The following PTK2B variants were observed in gnomAD, a reference collection of about 807,000 sequenced individuals.
The protein encoded by PTK2B is protein-tyrosine kinase 2-beta.
A neutral mutation model predicts 142.9 loss-of-function variants in PTK2B; 71 were observed. The ratio of observed to expected loss-of-function variants is 0.50; its 90% confidence interval spans 0.41 to 0.61. The LOEUF (loss-of-function observed/expected upper bound fraction) is 0.61, where lower values mean the gene tolerates loss of function less well. PTK2B is among the 20% of genes least tolerant of loss of function. The pLI is 0.00. For missense variants in PTK2B, 1,105 were observed against 1,320.4 expected, an observed-to-expected ratio of 0.84 and a Z score of 2.53; for synonymous variants, 519 against 503.4, an observed-to-expected ratio of 1.03 and a Z score of -0.42.
chr8:27,365,298 G>A (rs764547240), intron 1 of PTK2B, among the ~76,000 whole-genome samples: 29 of 152,088 alleles, frequency 1.9e-4, no homozygotes, highest in East Asian at 3.8e-4. Context: ...ACTCTCTCTC[G>A]TCTGCCAACC....
intron 2 of PTK2B, among the ~76,000 whole-genome samples, chr8:27,399,090 C>T (rs1005689775): frequency 6.6e-6 from 1 of 152,192 alleles, no homozygotes; most frequent in Non-Finnish European, 1.5e-5. Context: ...CATGAGTCTT[C>T]CTTTGGGTAT....
chr8:27,420,306 G>A (rs942402238), intron 3 of PTK2B, among the ~76,000 whole-genome samples: 3 of 152,028 alleles, frequency 2.0e-5, no homozygotes, highest in African/African-American at 7.2e-5. Context: ...AACCCTAAAC[G>A]GGATGCTGAC....
chr8:27,370,170 T>A (rs553885380), intron 1 of PTK2B, among the ~76,000 whole-genome samples: 2 of 152,154 alleles, frequency 1.3e-5, no homozygotes, highest in African/African-American at 2.4e-5. Flanking sequence ...AACAGCTGTG[T>A]TGTATTGAAA....
intron 1 of PTK2B, among the ~76,000 whole-genome samples, chr8:27,359,945 A>G (rs547506106): frequency 3.1e-4 from 47 of 152,264 alleles, no homozygotes; most frequent in African/African-American, 9.1e-4. Flanking sequence ...CTGGGCCAAC[A>G]TCCTCTGATA....
chr8:27,359,585 T>C (rs1286892926), intron 1 of PTK2B, among the ~76,000 whole-genome samples: 1 of 152,196 alleles, frequency 6.6e-6, no homozygotes. Flanking sequence ...TTTTTGCTTA[T>C]GGAAATGCAC....
chr8:27,453,301 G>A (rs1302963397), intron 28 of PTK2B, 141 bp downstream of exon 28: 1 of 1,172,432 alleles, frequency 8.5e-7, no homozygotes, highest in Non-Finnish European at 1.2e-6. Flanking sequence ...CGGGGTTAGG[G>A]GGCGGGTGGC....
intron 2 of PTK2B, 96 bp from the exon 3 acceptor site, chr8:27,419,799 C>T (rs1809628976): frequency 7.5e-7 from 1 of 1,334,718 alleles, no homozygotes; most frequent in African/African-American, 1.5e-5. Context: ...AGACAGAATC[C>T]CACCCTAGAG....
At chr8:27,321,005 T>TTTTTTTTTTTTTTTTTTTTTC (rs1803202096), upstream of PTK2B, among the ~76,000 whole-genome samples, 1 of 134,026 alleles carries the variant, frequency 7.5e-6, no homozygotes, top group Non-Finnish European at 1.6e-5. Flanking sequence ...TTTTTTTTTT[T>TTTTTTTTTTTTTTTTTTTTTC]TTTTGAGACA....
chr8:27,400,612 G>T (rs775114711), intron 2 of PTK2B, among the ~76,000 whole-genome samples: 3 of 152,132 alleles, frequency 2.0e-5, no homozygotes, highest in Non-Finnish European at 2.9e-5. Flanking sequence ...AGAATTTGAT[G>T]ATTAACTAGA....
At chr8:27,350,358 T>C (rs2130457407) in intron 1 of PTK2B, among the ~76,000 whole-genome samples, 1 of 126,066 alleles carries the variant, frequency 7.9e-6, no homozygotes, top group East Asian at 2.0e-4. Flanking sequence ...GACATTTGCA[T>C]TCTCTTCTGA....
intron 2 of PTK2B, among the ~76,000 whole-genome samples, chr8:27,404,492 G>A (rs1177424183): frequency 3.3e-5 from 5 of 152,162 alleles, no homozygotes. Flanking sequence ...CAGCCATCCT[G>A]TGCCCTCCCC....
intron 1 of PTK2B, among the ~76,000 whole-genome samples, chr8:27,356,509 T>C (rs1380944745): frequency 6.6e-6 from 1 of 152,114 alleles, no homozygotes; most frequent in Non-Finnish European, 1.5e-5. Context: ...TCACGAGGAA[T>C]TCTGAAGGCT....
intron 28 of PTK2B, 48 bp from the exon 29 acceptor site, chr8:27,454,106 T>C (rs1385346474): frequency 1.2e-6 from 2 of 1,610,436 alleles, no homozygotes; most frequent in African/African-American, 2.7e-5. Context: ...AATCATTCCG[T>C]GCCCCTGGCT....
intron 2 of PTK2B, 117 bp downstream of exon 2, chr8:27,397,905 G>C (rs1808162933): frequency 8.0e-7 from 1 of 1,256,382 alleles, no homozygotes. Context: ...GGTGGAAGAG[G>C]TGAGGTGGCA....
In PTK2B at chr8:27,397,770, T is replaced by C; in HGVS notation, c.186T>C (p.Thr62=). The change falls in exon 2 of 31, where the codon ACT becomes ACC. Residue 62 remains threonine (T), a synonymous_variant. Transcript: ENST00000346049. ...PGKNFKLVKC[T]VQTEIREIIT... Reference sequence around the variant, plus strand: ...AAAACTTCAAACTGGTCAAATGCACTGTCCAGACGGAGATCCGGGTAAGTG... The same window carrying C: ...AAAACTTCAAACTGGTCAAATGCACCGTCCAGACGGAGATCCGGGTAAGTG... The C allele has an allele frequency of 6.2e-7, 1 of 1,614,234 alleles. No homozygotes were observed. Among genetic ancestry groups the C allele is most frequent in the Non-Finnish European group, 8.5e-7 (1 of 1,180,002 alleles).
chr8:27,338,888 G>A (rs887172377), intron 1 of PTK2B, among the ~76,000 whole-genome samples: 7 of 152,140 alleles, frequency 4.6e-5, no homozygotes, highest in African/African-American at 1.7e-4. Flanking sequence ...ATGAATGAAT[G>A]AACAAAAGAA....
At chr8:27,373,613 T>C (rs912849424) in intron 1 of PTK2B, among the ~76,000 whole-genome samples, 4 of 152,028 alleles carry the variant, frequency 2.6e-5, no homozygotes, top group Non-Finnish European at 5.9e-5. Context: ...GGCCAGAAGT[T>C]GGAGGTTACA....
intron 26 of PTK2B, 66 bp from the exon 27 acceptor site, chr8:27,451,419 C>T (rs376279292): frequency 4.2e-5 from 68 of 1,605,464 alleles, no homozygotes; most frequent in East Asian, 1.6e-4. Context: ...GAATGGGTAA[C>T]CAGGGAGGGG....
intron 1 of PTK2B, among the ~76,000 whole-genome samples, chr8:27,368,815 C>CAG (rs1806169886): frequency 6.6e-6 from 1 of 152,166 alleles, no homozygotes; most frequent in African/African-American, 2.4e-5. Flanking sequence ...GACGGCAGGG[C>CAG]CACACTCTGC....
Sources: allele counts gnomAD v4.1 joint callset (sites outside exome capture counted in the v4.1 genomes callset), GRCh38; gene constraint gnomAD v4.1.1; transcripts MANE v1.5; gene names NCBI Gene and HGNC (gene_info 2026-07-23, HGNC 2026-07-21).